Variants in ANO10 observed in about 807,000 individuals in gnomAD.
ANO10 encodes anoctamin-10.
In ANO10, 77 loss-of-function variants were observed where a neutral mutation model predicts 74.7. The ratio of observed to expected loss-of-function variants is 1.03; its 90% CI spans 0.86 to 1.25. The LOEUF is 1.25. Among genes scored for constraint, ANO10 ranks in the 50% most tolerant of loss-of-function variants. ANO10 has a pLI of 0.00. For synonymous variants in ANO10, 279 were observed against 284.9 expected (o/e 0.98, Z 0.21); for missense variants, 721 against 778.1 (o/e 0.93, Z 0.87).
Position 43,366,895 on chromosome 3 carries a change from A to C in ANO10, c.*11T>G. On this transcript the variant is annotated 3_prime_UTR_variant, in exon 13 of 13. Transcript: ENST00000292246. Reference sequence around the variant, plus strand: ...GCCTCTGCCAACAGGGCAGCTGGGCACGCTGGGCACTCAGGTTGCCTTCTC... The same window carrying C: ...GCCTCTGCCAACAGGGCAGCTGGGCCCGCTGGGCACTCAGGTTGCCTTCTC... 1 of 1,578,936 alleles carries C rather than the reference A, an allele frequency of 6.3e-7. No homozygotes were observed.
Position 43,690,761 on chromosome 3 carries a change from C to G in ANO10, c.-12+756G>C, listed in dbSNP as rs2084350919. 6.9e-6 allele frequency: 3 copies of G among 433,068 alleles called. No homozygotes were observed. In the South Asian group the frequency reaches 1.7e-4, roughly 24 times the overall value. The allele number at this position is 433,068 out of a possible 1,614,324, so 26.8% of individuals were successfully genotyped here. Reference sequence around the variant, plus strand: ...TGACTGTCCCGCCCCGCGCTTACACCCGGGAGCGTCGGGCGGGAGAACTAG... The same window carrying G: ...TGACTGTCCCGCCCCGCGCTTACACGCGGGAGCGTCGGGCGGGAGAACTAG... On this transcript the variant is annotated intron_variant, in intron 1 of 3. Coordinates refer to the ANO10 transcript ENST00000413397.
chr3:43,504,232 C>T (rs1353963330), intron 11 of ANO10, among the ~76,000 whole-genome samples: 1 of 151,930 alleles, frequency 6.6e-6, no homozygotes, highest in Non-Finnish European at 1.5e-5. Context: ...TGCACCACTG[C>T]ACTCCAGCCC....
chr3:43,660,380 A>G (rs971958756), intron 1 of ANO10, among the ~76,000 whole-genome samples: 1 of 152,128 alleles, frequency 6.6e-6, no homozygotes, highest in African/African-American at 2.4e-5. Context: ...AACTAGAAAA[A>G]TAAGTGAAGA....
At chr3:43,378,235 A>C (rs1318640633) in intron 12 of ANO10, among the ~76,000 whole-genome samples, 1 of 152,370 alleles carries the variant, frequency 6.6e-6, no homozygotes, top group South Asian at 2.1e-4. Context: ...GAGTAGGAGC[A>C]GCTGCCAAAG....
rs755842879 is a variant in ANO10, at chr3:43,600,588, A to G, written c.140-7T>C. 2.5e-6 allele frequency: 4 copies of G among 1,592,394 alleles called. No individual in the cohort carries two copies. In the South Asian group the frequency reaches 3.3e-5, roughly 13 times the overall value. The stretch of plus-strand genomic sequence containing the variant: ...CTAAACAACAACTGGGCACCTTCAA[A>G]AACAAAAGATAAGCACAATCTTAGA... On this transcript the variant is annotated splice_region_variant and splice_polypyrimidine_tract_variant and intron_variant, in intron 2 of 12. Coordinates refer to ENST00000292246, the MANE Select transcript of ANO10 (RefSeq NM_018075.5).
At chr3:43,444,065 G>C (rs1285712317) in intron 11 of ANO10, among the ~76,000 whole-genome samples, 1 of 152,124 alleles carries the variant, frequency 6.6e-6, no homozygotes, top group African/African-American at 2.4e-5. Context: ...ATAATCTAAA[G>C]GGTTACAGAC....
intron 1 of ANO10, among the ~76,000 whole-genome samples, chr3:43,664,137 A>G (rs2083959448): frequency 6.6e-6 from 1 of 151,948 alleles, no homozygotes; most frequent in Non-Finnish European, 1.5e-5. Flanking sequence ...ACTATAGTAC[A>G]AGGCTACAGT....
chr3:43,541,597 C>A (rs2078957291), intron 11 of ANO10, among the ~76,000 whole-genome samples: 1 of 152,144 alleles, frequency 6.6e-6, no homozygotes, highest in Non-Finnish European at 1.5e-5. Context: ...AAGTAATTGG[C>A]ACTAACTATA....
chr3:43,498,668 A>G (rs1394340864), intron 11 of ANO10, among the ~76,000 whole-genome samples: 3 of 152,192 alleles, frequency 2.0e-5, no homozygotes, highest in Non-Finnish European at 4.4e-5. Flanking sequence ...AGCTTACTAT[A>G]GCTGAGATTT....
intron 12 of ANO10, among the ~76,000 whole-genome samples, chr3:43,423,477 A>G (rs557023837): frequency 6.6e-6 from 1 of 152,234 alleles, no homozygotes; most frequent in Admixed American, 6.5e-5. Flanking sequence ...CACAAGGGAG[A>G]CTGAAACAGA....
At chr3:43,444,377 C>A (rs993726283) in intron 11 of ANO10, among the ~76,000 whole-genome samples, 1 of 152,162 alleles carries the variant, frequency 6.6e-6, no homozygotes, top group Non-Finnish European at 1.5e-5. Context: ...GAAATAAAAT[C>A]TGTAAGAGGG....
intron 11 of ANO10, among the ~76,000 whole-genome samples, chr3:43,510,734 A>T (rs115400212): frequency 1.3e-3 from 194 of 152,206 alleles, no homozygotes; most frequent in African/African-American, 4.5e-3. Flanking sequence ...TGAATATACC[A>T]CTGTGTACAA....
chr3:43,598,851 C>A (rs1414441461), intron 3 of ANO10, among the ~76,000 whole-genome samples, 185 bp from the exon 4 acceptor site: 1 of 152,148 alleles, frequency 6.6e-6, no homozygotes, highest in Non-Finnish European at 1.5e-5. Context: ...TAAAAAAATT[C>A]TGTTATGCCT....
intron 7 of ANO10, among the ~76,000 whole-genome samples, chr3:43,573,804 T>A (rs1419400725): frequency 2.0e-5 from 3 of 152,174 alleles, no homozygotes; most frequent in Admixed American, 2.0e-4. Context: ...TTTGGAAATC[T>A]AACAAAAAAA....
intron 11 of ANO10, among the ~76,000 whole-genome samples, chr3:43,520,951 TCTG>T (rs2077928519): frequency 6.6e-6 from 1 of 152,092 alleles, no homozygotes; most frequent in Non-Finnish European, 1.5e-5. Flanking sequence ...TCATATTTAG[TCTG>T]CTTATTGCTA....
intron 11 of ANO10, among the ~76,000 whole-genome samples, chr3:43,436,245 C>A (rs959002381): frequency 3.3e-5 from 5 of 151,812 alleles, no homozygotes; most frequent in African/African-American, 1.2e-4. Flanking sequence ...AGAAAAAAAA[C>A]CACAAAAAGC....
intron 12 of ANO10, among the ~76,000 whole-genome samples, chr3:43,392,165 T>TA (rs1559502390): frequency 6.8e-6 from 1 of 146,704 alleles, no homozygotes; most frequent in Admixed American, 7.0e-5. Context: ...CTCACTGACT[T>TA]TAAAAAAAAA....
intron 11 of ANO10, among the ~76,000 whole-genome samples, chr3:43,496,198 G>A (rs973991351): frequency 1.3e-5 from 2 of 152,128 alleles, no homozygotes; most frequent in Admixed American, 6.5e-5. Context: ...AAGTTACACT[G>A]GTGGTAACTC....
At chr3:43,393,832 A>T (rs2092324863) in intron 12 of ANO10, among the ~76,000 whole-genome samples, 1 of 152,116 alleles carries the variant, frequency 6.6e-6, no homozygotes, top group Non-Finnish European at 1.5e-5. Context: ...TCCAATGCTC[A>T]GAGACTTTGG....
Sources: gnomAD v4.1 joint callset for allele counts (sites outside exome capture counted in the v4.1 genomes callset) on GRCh38, gnomAD v4.1.1 for gene constraint, MANE v1.5 for transcripts, NCBI Gene and HGNC (gene_info 2026-07-23, HGNC 2026-07-21) for gene names.